Variants in GNB1 observed in about 807,000 individuals in gnomAD.
GNB1 encodes G protein subunit beta 1.
A neutral mutation model predicts 42.9 loss-of-function variants in GNB1; 2 were observed. The ratio of observed to expected loss-of-function variants is 0.05; its 90% confidence interval spans 0.02 to 0.15. The LOEUF is 0.15. GNB1 is among the 10% of genes least tolerant of loss of function. The pLI, the probability that GNB1 is intolerant of heterozygous loss-of-function variation, is 1.00. For missense variants in GNB1, 193 were observed against 462.2 expected (o/e 0.42, Z 5.34); for synonymous variants, 183 against 174.7 (o/e 1.05, Z -0.38).
chr1:1,852,932 T>C (rs1648070763), intron 1 of GNB1, among the ~76,000 whole-genome samples: 1 of 152,158 alleles, frequency 6.6e-6, no homozygotes, highest in African/African-American at 2.4e-5. Flanking sequence ...TCCCTGAATG[T>C]ACCCCAGTTC....
chr1:1,811,885 G>C lies in GNB1; in HGVS notation c.203+3871C>G, dbSNP rs144565266. On this transcript the variant is annotated intron_variant, in intron 5 of 11. Coordinates refer to ENST00000378609, the MANE Select transcript of GNB1 (RefSeq NM_002074.5). Reference sequence around the variant, plus strand: ...TCGAGACCATCCTGGCTAACATGGTGAAACCCTGTCTCTACTAAAAATACA... The same window carrying C: ...TCGAGACCATCCTGGCTAACATGGTCAAACCCTGTCTCTACTAAAAATACA... Among the ~76,000 whole-genome samples the C allele has an allele frequency of 8.2e-3, 1,245 of 151,250 alleles. 20 individuals are homozygous for C. The highest frequency in any genetic ancestry group is 0.029 in the African/African-American group (1,208 of 41,196).
intron 1 of GNB1, among the ~76,000 whole-genome samples, chr1:1,882,710 C>G (rs1455080340): frequency 6.6e-6 from 1 of 152,084 alleles, no homozygotes; most frequent in Non-Finnish European, 1.5e-5. Flanking sequence ...ATCACGAGGT[C>G]AGGAGTTTGA....
At chr1:1,819,025 G>C (rs183251168) in intron 3 of GNB1, among the ~76,000 whole-genome samples, 4 of 152,248 alleles carry the variant, frequency 2.6e-5, no homozygotes, top group African/African-American at 9.6e-5. Context: ...GCTGCAGGTA[G>C]GCACTGTGAA....
intron 1 of GNB1, among the ~76,000 whole-genome samples, chr1:1,883,278 CA>C (rs70937202): frequency 4.7e-3 from 355 of 75,344 alleles, no homozygotes; most frequent in Non-Finnish European, 5.6e-3. Context: ...AACCCTGTCC[CA>C]AAAAAAAAAA....
intron 5 of GNB1, 107 bp downstream of exon 5, chr1:1,815,649 A>G (rs1010583154): frequency 8.4e-5 from 54 of 642,868 alleles, no homozygotes; most frequent in Non-Finnish European, 1.3e-4. Flanking sequence ...CAACTTCCTA[A>G]TTTCTTCACT....
chr1:1,808,912 G>C (rs1476499260), intron 5 of GNB1, among the ~76,000 whole-genome samples: 4 of 152,104 alleles, frequency 2.6e-5, no homozygotes, highest in Admixed American at 2.0e-4. Context: ...CCAAAGTGTT[G>C]GGATTACAGA....
chr1:1,853,704 T>G (rs1193512088), intron 1 of GNB1, among the ~76,000 whole-genome samples: 1 of 152,178 alleles, frequency 6.6e-6, no homozygotes. Flanking sequence ...TAATAGAAAC[T>G]ATGTCTTCAG....
intron 7 of GNB1, among the ~76,000 whole-genome samples, chr1:1,797,217 T>C (rs1248494536): frequency 2.0e-5 from 3 of 152,116 alleles, no homozygotes; most frequent in African/African-American, 7.2e-5. Context: ...TTATAATAAA[T>C]TGTGGGAAAC....
intron 1 of GNB1, 75 bp downstream of exon 1, chr1:1,890,745 G>A (rs1195119796): frequency 2.7e-5 from 4 of 148,572 alleles, no homozygotes; most frequent in African/African-American, 9.7e-5. Flanking sequence ...TGGGGTGGGG[G>A]CGGGGCGGGC....
intron 1 of GNB1, among the ~76,000 whole-genome samples, chr1:1,840,838 G>A (rs1424276081): frequency 6.6e-6 from 1 of 152,102 alleles, no homozygotes; most frequent in Non-Finnish European, 1.5e-5. Context: ...ACATACTTCT[G>A]GTGGAATGAA....
At chr1:1,889,420 C>A (rs1363691355) in intron 1 of GNB1, among the ~76,000 whole-genome samples, 1 of 152,136 alleles carries the variant, frequency 6.6e-6, no homozygotes, top group Non-Finnish European at 1.5e-5. Context: ...GTACTGTACA[C>A]CCTAACTGTA....
At position 1,790,221 on chromosome 1, in the gene GNB1, G is replaced by A. The variant is rs559865735; in HGVS notation, c.699+174C>T. On this transcript the variant is annotated intron_variant, in intron 9 of 11. Transcript: ENST00000378609. The surrounding 1 kb of genome is among the most constrained non-coding windows in gnomAD (Gnocchi z 5.4). ...CACCCTGTGAGTATCTGTGAGACAA[G>A]TGGTCAACACAGAGAAGTTTCCCAT... Among the ~76,000 whole-genome samples, 8 of 152,370 alleles carry A rather than the reference G, an allele frequency of 5.3e-5. No homozygotes were observed. In the South Asian group the frequency reaches 1.7e-3, roughly 32 times the overall value.
chr1:1,879,708 G>GAA (rs574427054), intron 1 of GNB1, among the ~76,000 whole-genome samples: 17 of 118,494 alleles, frequency 1.4e-4, no homozygotes, highest in South Asian at 8.2e-4. Context: ...CTGTCTCAGG[G>GAA]AAAAAAAAAA....
At chr1:1,788,991 G>A in intron 10 of GNB1, 62 bp downstream of exon 10, 2 of 1,196,858 alleles carry the variant, frequency 1.7e-6, no homozygotes, top group Non-Finnish European at 2.5e-6. Flanking sequence ...ACCACTCTGT[G>A]TTTGCTCTAA....
intron 2 of GNB1, among the ~76,000 whole-genome samples, chr1:1,833,579 A>G (rs1012376528): frequency 6.6e-6 from 1 of 152,202 alleles, no homozygotes; most frequent in Non-Finnish European, 1.5e-5. Flanking sequence ...AGCAGCATGA[A>G]CCAGGCTGGA....
At chr1:1,799,172 G>A (rs188012373) in intron 7 of GNB1, among the ~76,000 whole-genome samples, 7 of 152,104 alleles carry the variant, frequency 4.6e-5, no homozygotes, top group African/African-American at 9.6e-5. Context: ...CGCCTGCCTC[G>A]GCCTCCCAAA....
chr1:1,825,864 C>CA (rs57374385), intron 2 of GNB1, among the ~76,000 whole-genome samples: 2,428 of 105,992 alleles, frequency 0.023, 46 homozygotes, highest in African/African-American at 0.066. Context: ...TACTCCGTCT[C>CA]AAAAAAAAAA....
chr1:1,806,388 A>G (rs187619840), intron 6 of GNB1, 87 bp downstream of exon 6: 4 of 808,944 alleles, frequency 4.9e-6, no homozygotes, highest in Non-Finnish European at 8.5e-6. Flanking sequence ...CCTATCCTGT[A>G]TTACGTGATT....
In GNB1 at chr1:1,789,159, G is replaced by A; in HGVS notation, c.810C>T (p.Ile270=). 6.2e-7 allele frequency: 1 copy of A among 1,613,986 alleles called. No homozygotes were observed. The highest frequency in any genetic ancestry group is 8.5e-7 in the Non-Finnish European group (1 of 1,179,808). ...ELMTYSHDNI[I]CGITSVSFSK... is the part of the protein sequence containing the mutation. ...AGAAGGAGACAGAGGTGATCCCGCA[G>A]ATGATGTTGTCATGGGAGTAAGTCA... Residue 270 remains isoleucine, a synonymous_variant, in exon 10 of 12, where the codon ATC becomes ATT. Coordinates refer to ENST00000378609, the MANE Select transcript of GNB1 (RefSeq NM_002074.5).
Sources: gnomAD v4.1 joint callset for allele counts (sites outside exome capture counted in the v4.1 genomes callset) on GRCh38, gnomAD v4.1.1 for gene constraint, Gnocchi (gnomAD v3.1) non-coding constraint, MANE v1.5 for transcripts, NCBI Gene and HGNC (gene_info 2026-07-23, HGNC 2026-07-21) for gene names.